Variants in FRAS1 observed in about 807,000 individuals in gnomAD.
FRAS1 encodes Fraser extracellular matrix complex subunit 1.
A neutral mutation model predicts 435.2 loss-of-function variants in FRAS1; 290 were observed. The observed-to-expected ratio is 0.67, with a 90% CI of 0.61 to 0.73. The LOEUF (loss-of-function observed/expected upper bound fraction) is 0.73. Ranked by LOEUF, FRAS1 falls within the 30% of genes least tolerant of loss-of-function variation. The pLI is 0.00. For synonymous variants in FRAS1, 1,800 were observed against 1,851.0 expected (o/e 0.97, Z 0.71); for missense variants, 4,860 against 5,001.5 (o/e 0.97, Z 0.85).
intron 61 of FRAS1, among the ~76,000 whole-genome samples, chr4:78,505,768 G>A (rs746172763): frequency 4.6e-5 from 7 of 152,038 alleles, no homozygotes; most frequent in Admixed American, 6.5e-5. Context: ...TCTTTGTTCC[G>A]TTGCTGGTGA....
intron 42 of FRAS1, 24 bp from the exon 43 acceptor site, chr4:78,446,703 T>A: frequency 6.2e-7 from 1 of 1,605,846 alleles, no homozygotes; most frequent in African/African-American, 1.3e-5. Context: ...CTGTGTGAGA[T>A]CTAATAGTTT....
At chr4:78,128,991 G>A (rs1424878162) in intron 2 of FRAS1, among the ~76,000 whole-genome samples, 4 of 152,150 alleles carry the variant, frequency 2.6e-5, no homozygotes, top group African/African-American at 9.7e-5. Flanking sequence ...AGTTTTCCCA[G>A]CACCATTTAT....
intron 2 of FRAS1, among the ~76,000 whole-genome samples, chr4:78,089,375 C>T (rs1741383238): frequency 6.6e-6 from 1 of 151,890 alleles, no homozygotes; most frequent in African/African-American, 2.4e-5. Flanking sequence ...CACGTGTATA[C>T]ATATGTAACA....
At chr4:78,506,522 C>A (rs183019583) in intron 61 of FRAS1, among the ~76,000 whole-genome samples, 1 of 141,048 alleles carries the variant, frequency 7.1e-6, no homozygotes, top group African/African-American at 2.8e-5. Context: ...GCGCTAGCAG[C>A]GAGCAAAGCT....
chr4:78,065,914 A>C (rs1039563383), intron 1 of FRAS1, 71 bp from the exon 2 acceptor site: 1 of 1,162,284 alleles, frequency 8.6e-7, no homozygotes, highest in South Asian at 1.3e-5. Flanking sequence ...TTTTAGCAGC[A>C]AGCTTGCTGG....
chr4:78,177,426 A>C (rs577198039), intron 2 of FRAS1, among the ~76,000 whole-genome samples: 2 of 152,308 alleles, frequency 1.3e-5, no homozygotes, highest in South Asian at 4.1e-4. Context: ...TTAATGGTGG[A>C]GTATGGCCAT....
chr4:78,086,282 A>C (rs577704751), intron 2 of FRAS1, among the ~76,000 whole-genome samples: 101 of 152,354 alleles, frequency 6.6e-4, no homozygotes, highest in Non-Finnish European at 1.0e-3. Flanking sequence ...AGCAGTGTGT[A>C]GAGGGAAATT....
At chr4:78,173,882 A>C (rs1721656389) in intron 2 of FRAS1, among the ~76,000 whole-genome samples, 1 of 152,222 alleles carries the variant, frequency 6.6e-6, no homozygotes, top group African/African-American at 2.4e-5. Flanking sequence ...GAAGTAATAG[A>C]AAACATTTCT....
chr4:78,220,093 A>G (rs1409733767), intron 2 of FRAS1, among the ~76,000 whole-genome samples: 1 of 152,174 alleles, frequency 6.6e-6, no homozygotes, highest in Non-Finnish European at 1.5e-5. Context: ...GACTCCTCTC[A>G]TTTTATCATC....
intron 63 of FRAS1, 85 bp downstream of exon 63, chr4:78,509,091 A>G (rs1720948444): frequency 1.4e-6 from 2 of 1,437,214 alleles, no homozygotes; most frequent in Admixed American, 1.8e-5. Context: ...CAAATTCCTT[A>G]TGGTCCATGC....
Position 78,537,082 on chromosome 4 carries a change from G to A in FRAS1, c.11180G>A (p.Cys3727Tyr), listed in dbSNP as rs753412794. ...YKLQLEKVYL[C>Y]TGKDGYVPFF... ...CTCCAGCTGGAGAAAGTCTATCTTT[G>A]TACGGGCAAGGATGGTTATGTGCCT... Residue 3727 changes from cysteine (C) to tyrosine (Y), a missense_variant, in exon 72 of 74, where the codon TGT (cysteine) becomes TAT (tyrosine). Transcript: ENST00000512123. The A allele has an allele frequency of 6.2e-7, 1 of 1,613,864 alleles. No individual in the cohort carries two copies. Among genetic ancestry groups the A allele is most frequent in the Non-Finnish European group, 8.5e-7 (1 of 1,179,878 alleles).
intron 6 of FRAS1, among the ~76,000 whole-genome samples, chr4:78,262,755 T>C (rs1030772266): frequency 4.6e-5 from 7 of 152,240 alleles, no homozygotes; most frequent in Admixed American, 1.3e-4. Context: ...TCTTTAGTGA[T>C]AGTCCTACCC....
intron 61 of FRAS1, among the ~76,000 whole-genome samples, chr4:78,506,509 G>A (rs929486409): frequency 1.3e-5 from 2 of 151,252 alleles, no homozygotes; most frequent in Non-Finnish European, 2.9e-5. Context: ...ATCTCAGGCT[G>A]CTGCGCTAGC....
At chr4:78,320,362 T>C (rs915509671) in intron 18 of FRAS1, among the ~76,000 whole-genome samples, 10 of 152,170 alleles carry the variant, frequency 6.6e-5, no homozygotes. Context: ...TACTTCCAGG[T>C]GCCAAAGTGG....
intron 63 of FRAS1, 60 bp from the exon 64 acceptor site, chr4:78,511,214 C>A: frequency 7.6e-7 from 1 of 1,312,680 alleles, no homozygotes; most frequent in Non-Finnish European, 1.1e-6. Flanking sequence ...TGAACCAGAT[C>A]ATGTAAGGAG....
chr4:78,113,252 A>G (rs1742870329), intron 2 of FRAS1, among the ~76,000 whole-genome samples: 2 of 152,160 alleles, frequency 1.3e-5, no homozygotes, highest in Admixed American at 1.3e-4. Context: ...GTTAGTTCCA[A>G]GTCTTTGCTA....
At chr4:78,273,093 T>C (rs920501683) in intron 9 of FRAS1, among the ~76,000 whole-genome samples, 6 of 152,154 alleles carry the variant, frequency 3.9e-5, no homozygotes, top group South Asian at 2.1e-4. Context: ...TGGGAGTTCA[T>C]GCATGATTTG....
At chr4:78,112,832 A>C (rs941210142) in intron 2 of FRAS1, among the ~76,000 whole-genome samples, 2 of 150,844 alleles carry the variant, frequency 1.3e-5, no homozygotes, top group African/African-American at 4.9e-5. Flanking sequence ...TTATTTATTC[A>C]TTTTTTTATT....
chr4:78,392,895 G>T (rs1169358820), intron 29 of FRAS1, among the ~76,000 whole-genome samples: 1 of 151,764 alleles, frequency 6.6e-6, no homozygotes, highest in African/African-American at 2.4e-5. Context: ...TAGAAAAGAT[G>T]ATATATACCC....
Sources: allele counts gnomAD v4.1 joint callset (sites outside exome capture counted in the v4.1 genomes callset), GRCh38; gene constraint gnomAD v4.1.1; transcripts MANE v1.5; gene names NCBI Gene and HGNC (gene_info 2026-07-23, HGNC 2026-07-21).